GPC3: variants seen among roughly 807,000 people sequenced by gnomAD.
GPC3 encodes the protein glypican-3.
A neutral mutation model predicts 34.4 loss-of-function variants in GPC3; 3 were observed. That is an observed-to-expected ratio of 0.09 (90% confidence interval 0.04 to 0.23). The LOEUF is 0.23. Among genes scored for constraint, GPC3 ranks in the 10% least tolerant of loss-of-function variants. GPC3 has a pLI of 1.00. For missense variants in GPC3, 351 were observed against 445.6 expected (o/e 0.79, Z 1.91); for synonymous variants, 177 against 174.0 (o/e 1.02, Z -0.13).
intron 2 of GPC3, among the ~76,000 whole-genome samples, chrX:133,948,855 AAATACATCATGAACTCCAGCCTTGT>A (rs1220140854): frequency 3.6e-5 from 4 of 112,054 alleles, no homozygotes; most frequent in African/African-American, 1.3e-4. Flanking sequence ...AAAGTTGTTG[AAATACATCATGAACTCCAGCCTTGT>A]CGAGGTTAAT....
At chrX:133,667,874 A>C (rs775589866) in intron 5 of GPC3, among the ~76,000 whole-genome samples, 55 of 107,533 alleles carry the variant, frequency 5.1e-4, no homozygotes, top group East Asian at 1.8e-3. Context: ...CTCTCTCTCT[A>C]TATATGTATA....
chrX:133,938,739 T>C (rs1175926719), intron 2 of GPC3, among the ~76,000 whole-genome samples: 1 of 112,221 alleles, frequency 8.9e-6, no homozygotes, highest in Non-Finnish European at 1.9e-5. Flanking sequence ...TCAGCATTTA[T>C]TGCCTGTATA....
intron 6 of GPC3, among the ~76,000 whole-genome samples, chrX:133,657,898 CAGAGAGAGAGAG>C (rs749162174): frequency 2.9e-3 from 246 of 85,549 alleles, no homozygotes; most frequent in Non-Finnish European, 4.5e-3. Context: ...GGCATACATG[CAGAGAGAGAGAG>C]AGAGAGAGAG....
intron 2 of GPC3, among the ~76,000 whole-genome samples, chrX:133,903,289 T>A (rs1047230506): frequency 2.7e-5 from 3 of 110,402 alleles, no homozygotes; most frequent in African/African-American, 9.9e-5. Context: ...AACCCCCTTA[T>A]AAATATGTTT....
intron 4 of GPC3, among the ~76,000 whole-genome samples, chrX:133,695,367 T>A (rs185508764): frequency 3.3e-4 from 37 of 112,384 alleles, no homozygotes; most frequent in African/African-American, 1.2e-3. Flanking sequence ...GTGGATATAC[T>A]AAGAACAATT....
intron 2 of GPC3, among the ~76,000 whole-genome samples, chrX:133,917,654 A>G (rs1377313579): frequency 8.9e-6 from 1 of 112,027 alleles, no homozygotes; most frequent in African/African-American, 3.2e-5. Context: ...TATGACTGTC[A>G]TTGGTTTTTC....
intron 7 of GPC3, among the ~76,000 whole-genome samples, chrX:133,591,347 A>C (rs1328571110): frequency 8.9e-6 from 1 of 111,836 alleles, no homozygotes; most frequent in East Asian, 2.8e-4. Context: ...GTAAAATTGT[A>C]TAACAGCTGA....
chrX:133,766,498 T>C (rs1044342156), intron 2 of GPC3, among the ~76,000 whole-genome samples: 11 of 112,263 alleles, frequency 9.8e-5, no homozygotes, highest in African/African-American at 3.6e-4. Context: ...AGCTTAAGTA[T>C]ACATAGTATA....
rs372650091 is a variant in GPC3, at chrX:133,984,788, C to T, written c.175+487G>A. Among the ~76,000 whole-genome samples the T allele has an allele frequency of 7.7e-4, 75 of 97,851 alleles. No individual in the cohort carries two copies. In the South Asian group the frequency reaches 0.011, roughly 14 times the overall value. 85.0% of individuals were successfully genotyped at this position (97,851 alleles called of 115,157 possible). On this transcript the variant is annotated intron_variant, in intron 1 of 7. Coordinates refer to ENST00000370818, the MANE Select transcript of GPC3 (RefSeq NM_004484.4). ...CCTCAACTTTGCTTGCACTTGGGCC[C>T]GTGAGCTTAGGAAACCCAGGCTGGG...
intron 3 of GPC3, among the ~76,000 whole-genome samples, chrX:133,746,766 C>T (rs1013209319): frequency 2.7e-5 from 3 of 112,141 alleles, no homozygotes; most frequent in African/African-American, 9.7e-5. Context: ...TTTCAAATCA[C>T]TTGGTACTGA....
intron 2 of GPC3, among the ~76,000 whole-genome samples, chrX:133,816,414 T>G (rs1283244366): frequency 8.9e-6 from 1 of 111,778 alleles, no homozygotes; most frequent in African/African-American, 3.2e-5. Flanking sequence ...GTTCTTCGTC[T>G]CATTCAACCA....
In GPC3 at chrX:133,647,616, G is replaced by A. The variant is rs940889970; in HGVS notation, c.1413+14114C>T. ...AAACAGGAAAATGTGTTCTGAGAAG[G>A]TATGGAGAAGGCGAACAGTCACTGC... On this transcript the variant is annotated intron_variant, in intron 6 of 7. Coordinates refer to ENST00000370818, the MANE Select transcript of GPC3 (RefSeq NM_004484.4). Among the ~76,000 whole-genome samples the A allele has an allele frequency of 2.8e-4, 31 of 112,409 alleles. 1 individual carries two copies. The highest frequency in any genetic ancestry group is 8.1e-4 in the African/African-American group (25 of 30,941).
At chrX:133,789,729 T>C (rs766343172) in intron 2 of GPC3, among the ~76,000 whole-genome samples, 1 of 112,405 alleles carries the variant, frequency 8.9e-6, no homozygotes, top group African/African-American at 3.2e-5. Flanking sequence ...AAAATGCTTT[T>C]AAAGTACTGT....
intron 1 of GPC3, among the ~76,000 whole-genome samples, chrX:133,963,025 A>G (rs2076448169): frequency 8.9e-6 from 1 of 112,263 alleles, no homozygotes; most frequent in Non-Finnish European, 1.9e-5. Context: ...GGTAATCAAT[A>G]TTCACTGAGC....
At chrX:133,600,162 A>G (rs1451504704) in intron 6 of GPC3, among the ~76,000 whole-genome samples, 1 of 112,122 alleles carries the variant, frequency 8.9e-6, no homozygotes, top group Non-Finnish European at 1.9e-5. Context: ...TCTAGCACAT[A>G]GTAGGCACTC....
At chrX:133,540,241 A>G (rs2124263246) in intron 7 of GPC3, among the ~76,000 whole-genome samples, 1 of 113,128 alleles carries the variant, frequency 8.8e-6, no homozygotes, top group East Asian at 2.8e-4. Context: ...TATGAAAAAG[A>G]CACATGAACA....
intron 2 of GPC3, among the ~76,000 whole-genome samples, chrX:133,873,063 T>A (rs759089483): frequency 8.9e-6 from 1 of 112,095 alleles, no homozygotes; most frequent in Non-Finnish European, 1.9e-5. Flanking sequence ...CAGTGCCTAA[T>A]AAAAGGCCGA....
chrX:133,899,863 C>CA (rs2076136187), intron 2 of GPC3, among the ~76,000 whole-genome samples: 1 of 111,659 alleles, frequency 9.0e-6, no homozygotes, highest in African/African-American at 3.3e-5. Flanking sequence ...AGTGCAGTGG[C>CA]ATGATCTCGG....
intron 2 of GPC3, among the ~76,000 whole-genome samples, chrX:133,802,503 C>A (rs1044983456): frequency 1.8e-5 from 2 of 112,011 alleles, no homozygotes; most frequent in Non-Finnish European, 3.8e-5. Context: ...CACCTGCCTG[C>A]AGATTTGCAA....
Sources: gnomAD v4.1 joint callset for allele counts (sites outside exome capture counted in the v4.1 genomes callset) on GRCh38, gnomAD v4.1.1 for gene constraint, MANE v1.5 for transcripts, NCBI Gene and HGNC (gene_info 2026-07-23, HGNC 2026-07-21) for gene names.